The following BTAF1 variants were observed in gnomAD, a reference collection of about 807,000 sequenced individuals.
The protein encoded by BTAF1 is TATA-binding protein-associated factor 172.
A neutral mutation model predicts 227.1 loss-of-function variants in BTAF1; 38 were observed. The ratio of observed to expected loss-of-function variants is 0.17; its 90% CI spans 0.13 to 0.22. BTAF1 has a LOEUF of 0.22. Among genes scored for constraint, BTAF1 ranks in the 10% least tolerant of loss-of-function variants. The pLI is 1.00. For missense variants in BTAF1, 1,598 were observed against 2,204.0 expected (o/e 0.73, Z 5.51); for synonymous variants, 742 against 751.9 (o/e 0.99, Z 0.21).
At chr10:91,998,478 A>G (rs1306698391) in intron 25 of BTAF1, among the ~76,000 whole-genome samples, 1 of 152,208 alleles carries the variant, frequency 6.6e-6, no homozygotes, top group Non-Finnish European at 1.5e-5. Flanking sequence ...CTGTGGGAGT[A>G]TGAAAAAGAA....
rs1287533706 is a variant in BTAF1 at position 92,008,355 on chromosome 10, C to A, written c.3813+80C>A. 6 of 1,329,400 alleles carry A rather than the reference C, an allele frequency of 4.5e-6. No individual in the cohort carries two copies. The East Asian group carries it at 1.5e-4, about 34-fold the overall frequency. The allele number at this position is 1,329,400 out of a possible 1,614,324, so 82.4% of individuals were successfully genotyped here. On this transcript the variant is annotated intron_variant, in intron 26 of 37. Transcript: ENST00000265990. ...GGTTTGTTGGGGGGGGCTTTTGTTT[C>A]TTTTTTGAGACAGAGTCTTGCTCTG...
chr10:91,966,701 T>A lies in BTAF1; in HGVS notation c.1594T>A (p.Ser532Thr). 1 of 1,614,010 alleles carries A rather than the reference T, an allele frequency of 6.2e-7. No individual in the cohort carries two copies. Among genetic ancestry groups the A allele is most frequent in the Non-Finnish European group, 8.5e-7 (1 of 1,179,920 alleles). The stretch of plus-strand genomic sequence containing the variant: ...GCCTTTTTTGCATCACACTATATCA[T>A]CAGTTCGAAGAGCAGCATTGGAAAC... ...VWPFLHHTISSVRRAALETLF... is the reference protein window; with the variant it reads ...VWPFLHHTISTVRRAALETLF... Residue 532 changes from serine (S) to threonine (T), a missense_variant, in exon 14 of 38, where the codon TCA becomes ACA. Around this residue, in one of 10 missense-constraint regions of BTAF1, gnomAD observed 318 missense variants for 435.0 expected, o/e 0.73. Transcript: ENST00000265990.
At chr10:92,003,184 A>G (rs1849666906) in intron 25 of BTAF1, among the ~76,000 whole-genome samples, 1 of 152,110 alleles carries the variant, frequency 6.6e-6, no homozygotes, top group Non-Finnish European at 1.5e-5. Flanking sequence ...ACGGCGTCCA[A>G]CATGATGTTT....
At chr10:91,996,691 C>T in intron 24 of BTAF1, 121 bp downstream of exon 24, 2 of 876,062 alleles carry the variant, frequency 2.3e-6, no homozygotes, top group Non-Finnish European at 3.4e-6. Flanking sequence ...CAAAAAATAC[C>T]TATTCTTTTT....
chr10:91,996,246 T>C (rs966317710), intron 23 of BTAF1, 123 bp from the exon 24 acceptor site: 3 of 740,844 alleles, frequency 4.0e-6, no homozygotes, highest in Non-Finnish European at 6.5e-6. Context: ...TGTTTTGAAG[T>C]ATTTGGAGAT....
At chr10:91,973,662 T>A (rs1269608960) in intron 14 of BTAF1, among the ~76,000 whole-genome samples, 1 of 151,918 alleles carries the variant, frequency 6.6e-6, no homozygotes, top group African/African-American at 2.4e-5. Context: ...CCCAGCACTT[T>A]GGGAGGCCGA....
intron 20 of BTAF1, 44 bp from the exon 21 acceptor site, chr10:91,992,075 A>C (rs201928090): frequency 9.6e-6 from 14 of 1,465,604 alleles, no homozygotes; most frequent in Non-Finnish European, 1.3e-5. Flanking sequence ...ATTTGGTATC[A>C]CCAATATTAT....
chr10:92,008,701 ACC>A (rs1850109283), intron 26 of BTAF1, 126 bp from the exon 27 acceptor site: 1 of 874,734 alleles, frequency 1.1e-6, no homozygotes. Context: ...AGTGTCTTAT[ACC>A]CATTTATTTC....
At chr10:91,943,679 T>G (rs1845171455) in intron 4 of BTAF1, among the ~76,000 whole-genome samples, 1 of 152,194 alleles carries the variant, frequency 6.6e-6, no homozygotes, top group African/African-American at 2.4e-5. Flanking sequence ...AAAGCATAGT[T>G]TTTCTAATAA....
rs751734851 is a variant in BTAF1, at chr10:92,008,108, A to G, written c.3661-15A>G. ...GAGTACGTAGTTTTTAATAACTTTAAAAAAATCATTTTAGGCAGGCATTCC... is the reference window on the plus strand; with the variant it reads ...GAGTACGTAGTTTTTAATAACTTTAGAAAAATCATTTTAGGCAGGCATTCC... On this transcript the variant is annotated splice_polypyrimidine_tract_variant and intron_variant, in intron 25 of 37. Coordinates refer to ENST00000265990, the MANE Select transcript of BTAF1 (RefSeq NM_003972.3). The G allele has an allele frequency of 2.6e-6, 4 of 1,566,880 alleles. No homozygotes were observed. The highest frequency in any genetic ancestry group is 3.4e-6 in the Non-Finnish European group (4 of 1,167,658).
intron 4 of BTAF1, among the ~76,000 whole-genome samples, chr10:91,949,323 C>T (rs1414010037): frequency 6.6e-6 from 1 of 152,166 alleles, no homozygotes; most frequent in Non-Finnish European, 1.5e-5. Context: ...AAAAAACAAA[C>T]AGAAACCCTA....
Position 91,981,776 on chromosome 10 carries a change from T to C in BTAF1, c.1889T>C (p.Val630Ala), listed in dbSNP as rs898034658. Residue 630 changes from valine to alanine, a missense_variant, in exon 16 of 38, where the codon GTA (valine) becomes GCA (alanine). Val to Ala is a moderately conservative substitution (Grantham distance 64). Around this residue, in one of 10 missense-constraint regions of BTAF1, gnomAD observed 318 missense variants for 435.0 expected, o/e 0.73. Transcript: ENST00000265990. ...LPIDLNMLLE[V>A]KARAKEKTGG... ...ATCGATTTAAATATGTTGCTAGAAGTAAAAGCTAGAGCCAAGGTAAGTGTA... is the reference window on the plus strand; with the variant it reads ...ATCGATTTAAATATGTTGCTAGAAGCAAAAGCTAGAGCCAAGGTAAGTGTA... 1 of 1,613,242 alleles carries C rather than the reference T, an allele frequency of 6.2e-7. No individual in the cohort carries two copies. Among genetic ancestry groups the C allele is most frequent in the East Asian group, 2.2e-5 (1 of 44,858 alleles).
In BTAF1 at chr10:92,028,893, C is replaced by T; in HGVS notation, c.5510C>T (p.Ser1837Leu). ...SDLWDQEQYDSEYSLENFMHS... is the reference protein window; with the variant it reads ...SDLWDQEQYDLEYSLENFMHS... The stretch of plus-strand genomic sequence containing the variant: ...CTTTGGGATCAAGAGCAGTATGATT[C>T]AGAGTACAGCCTGGAAAATTTTATG... Residue 1837 changes from serine to leucine, a missense_variant, in exon 38 of 38, where the codon TCA (serine) becomes TTA (leucine). This residue lies in a region of BTAF1 where 79 missense variants were observed against 97.9 expected (regional missense o/e 0.81). Coordinates refer to ENST00000265990, the MANE Select transcript of BTAF1 (RefSeq NM_003972.3). 2 of 1,600,896 alleles carry T rather than the reference C, an allele frequency of 1.2e-6. No homozygotes were observed. The highest frequency in any genetic ancestry group is 1.7e-6 in the Non-Finnish European group (2 of 1,175,676).
chr10:91,976,007 T>C (rs954396760), intron 14 of BTAF1, among the ~76,000 whole-genome samples: 1 of 152,220 alleles, frequency 6.6e-6, no homozygotes, highest in Non-Finnish European at 1.5e-5. Flanking sequence ...GTTAGAGAGC[T>C]CAGTCGCACA....
intron 18 of BTAF1, 78 bp downstream of exon 18, chr10:91,982,839 G>C (rs1193553299): frequency 7.3e-7 from 1 of 1,371,306 alleles, no homozygotes; most frequent in African/African-American, 1.5e-5. Flanking sequence ...ATTTACAACA[G>C]AAAAGTGAAA....
At chr10:91,965,507 T>C (rs1234611791) in intron 13 of BTAF1, among the ~76,000 whole-genome samples, 3 of 152,168 alleles carry the variant, frequency 2.0e-5, no homozygotes, top group African/African-American at 7.2e-5. Flanking sequence ...TGGGCCTTAG[T>C]GGATGGTGTC....
At chr10:92,007,210 CTTTTTTTT>C (rs969389265) in intron 25 of BTAF1, among the ~76,000 whole-genome samples, 11 of 61,278 alleles carry the variant, frequency 1.8e-4, no homozygotes, top group South Asian at 6.0e-4. Flanking sequence ...TATTTTTTGT[CTTTTTTTT>C]TTTTTTTTTT....
At chr10:91,958,341 C>T (rs1846242568) in intron 8 of BTAF1, among the ~76,000 whole-genome samples, 1 of 152,088 alleles carries the variant, frequency 6.6e-6, no homozygotes, top group South Asian at 2.1e-4. Context: ...CAAGTGTGAG[C>T]CACCTCGCCC....
intron 2 of BTAF1, among the ~76,000 whole-genome samples, chr10:91,937,629 G>A (rs1018077006): frequency 2.0e-5 from 3 of 152,082 alleles, no homozygotes; most frequent in South Asian, 2.1e-4. Context: ...CATTCTTATT[G>A]CCAAATAATA....
Sources: allele counts gnomAD v4.1 joint callset (sites outside exome capture counted in the v4.1 genomes callset), GRCh38; gene constraint gnomAD v4.1.1; regional missense constraint gnomAD v4.1.1; transcripts MANE v1.5; gene names NCBI Gene and HGNC (gene_info 2026-07-23, HGNC 2026-07-21).